The following GPR83 variants were observed in gnomAD, a reference collection of about 807,000 sequenced individuals.
GPR83 encodes the protein G-protein coupled receptor 72.
GPR83 carries 23 observed loss-of-function variants against 28.0 expected under a neutral mutation model. That is an observed-to-expected ratio of 0.82 (90% CI 0.59 to 1.16). The LOEUF (loss-of-function observed/expected upper bound fraction) is 1.16. GPR83 is among the 50% of genes most tolerant of loss of function. The pLI, the probability that GPR83 is intolerant of heterozygous loss-of-function variation, is 0.00. For missense variants in GPR83, 610 were observed against 536.6 expected (o/e 1.14, Z -1.35); for synonymous variants, 234 against 215.4 (o/e 1.09, Z -0.76).
At chr11:94,399,329 A>G (rs1247984927) in intron 1 of GPR83, among the ~76,000 whole-genome samples, 4 of 152,216 alleles carry the variant, frequency 2.6e-5, no homozygotes, top group Non-Finnish European at 5.9e-5. Flanking sequence ...CGTAGGCTGA[A>G]AGGAGATCAG....
intron 3 of GPR83, among the ~76,000 whole-genome samples, chr11:94,388,164 G>C (rs539773451): frequency 6.6e-6 from 1 of 152,244 alleles, no homozygotes; most frequent in African/African-American, 2.4e-5. Context: ...GTATTGATGG[G>C]ACGTATCTCA....
At chr11:94,389,998 T>G (rs11523893) in intron 3 of GPR83, among the ~76,000 whole-genome samples, 80,989 of 151,992 alleles carry the variant, frequency 0.53, 22,075 homozygotes, top group East Asian at 0.64. Context: ...CCATAAAAAA[T>G]AATGAGTTCA....
At chr11:94,390,813 A>G (rs1276446442) in intron 3 of GPR83, among the ~76,000 whole-genome samples, 3 of 152,112 alleles carry the variant, frequency 2.0e-5, no homozygotes, top group African/African-American at 4.8e-5. Flanking sequence ...ACTGCTCAAC[A>G]AAATAACAGA....
At chr11:94,391,405 C>T (rs1489173224) in intron 3 of GPR83, among the ~76,000 whole-genome samples, 3 of 152,142 alleles carry the variant, frequency 2.0e-5, no homozygotes, top group African/African-American at 4.8e-5. Context: ...AGGACGTAGG[C>T]ATGGGCAAAG....
At chr11:94,392,859 A>G (rs74808170) in intron 3 of GPR83, among the ~76,000 whole-genome samples, 12,297 of 151,960 alleles carry the variant, frequency 0.081, 582 homozygotes, top group South Asian at 0.18. Flanking sequence ...TCATTCATTC[A>G]TTCAGTAAAT....
chr11:94,388,611 T>A (rs915333237), intron 3 of GPR83, among the ~76,000 whole-genome samples: 3 of 152,122 alleles, frequency 2.0e-5, no homozygotes, highest in African/African-American at 4.8e-5. Flanking sequence ...GAATCCAACT[T>A]ACAAGGGATG....
At chr11:94,385,435 A>G (rs1281604390) in intron 3 of GPR83, among the ~76,000 whole-genome samples, 2 of 152,232 alleles carry the variant, frequency 1.3e-5, no homozygotes, top group Non-Finnish European at 2.9e-5. Context: ...ACGGCAAAGA[A>G]GTTAAAAACC....
chr11:94,392,797 G>A (rs1191434109), intron 3 of GPR83, among the ~76,000 whole-genome samples: 1 of 151,654 alleles, frequency 6.6e-6, no homozygotes, highest in Non-Finnish European at 1.5e-5. Context: ...TTGTACTCCA[G>A]CCTGGGCAAT....
intron 2 of GPR83, among the ~76,000 whole-genome samples, chr11:94,395,023 A>T (rs149527829): frequency 3.9e-5 from 6 of 152,356 alleles, no homozygotes; most frequent in Non-Finnish European, 8.8e-5. Flanking sequence ...AAATATTTAT[A>T]TGCAAACTTT....
At chr11:94,385,704 G>A (rs1842846512) in intron 3 of GPR83, among the ~76,000 whole-genome samples, 1 of 152,230 alleles carries the variant, frequency 6.6e-6, no homozygotes, top group Admixed American at 6.5e-5. Context: ...TATGCGAAAA[G>A]ACCAAATCTA....
intron 2 of GPR83, among the ~76,000 whole-genome samples, chr11:94,394,088 G>A (rs1424766486): frequency 6.6e-6 from 1 of 152,144 alleles, no homozygotes; most frequent in Admixed American, 6.5e-5. Context: ...GAGAGGACTG[G>A]GGAGGGGTCC....
chr11:94,393,699 T>C, intron 2 of GPR83, 81 bp from the exon 3 acceptor site: 1 of 1,316,354 alleles, frequency 7.6e-7, no homozygotes, highest in Non-Finnish European at 1.1e-6. Flanking sequence ...AGGTGCTCAC[T>C]CCTGTAATCC....
At chr11:94,395,623 C>A (rs1944858647) in intron 2 of GPR83, among the ~76,000 whole-genome samples, 1 of 152,202 alleles carries the variant, frequency 6.6e-6, no homozygotes, top group Non-Finnish European at 1.5e-5. Flanking sequence ...GGAAAAGGCA[C>A]CTGGCATGAA....
At position 94,393,498 on chromosome 11, in the gene GPR83, T is replaced by C; in HGVS notation, c.634A>G (p.Thr212Ala). The part of the protein sequence containing the change: ...LPHAICQKLF[T>A]FKYSEDIVRS... The stretch of plus-strand genomic sequence containing the variant: ...AATTCATCTCACCTGTATTTGAAGG[T>C]AAATAATTTCTGGCAGATAGCATGT... The change falls in exon 3 of 4, where the codon ACC becomes GCC. Residue 212 changes from threonine (T) to alanine (A), a missense_variant. By Grantham distance (58) the Thr-to-Ala change is moderately conservative. Coordinates refer to ENST00000243673, the MANE Select transcript of GPR83 (RefSeq NM_016540.4). 6.2e-7 allele frequency: 1 copy of C among 1,614,016 alleles called. No homozygotes were observed. Among genetic ancestry groups the C allele is most frequent in the African/African-American group, 1.3e-5 (1 of 75,024 alleles).
At chr11:94,390,913 G>C (rs1199809883) in intron 3 of GPR83, among the ~76,000 whole-genome samples, 1 of 152,128 alleles carries the variant, frequency 6.6e-6, no homozygotes, top group Non-Finnish European at 1.5e-5. Context: ...GTAATTTATA[G>C]GTTCAATGCT....
chr11:94,383,345 G>C (rs1944713859), intron 3 of GPR83, among the ~76,000 whole-genome samples: 1 of 152,066 alleles, frequency 6.6e-6, no homozygotes, highest in Non-Finnish European at 1.5e-5. Flanking sequence ...AGTGTGTAGA[G>C]GGAAATTTAT....
chr11:94,385,694 T>C (rs974544501), intron 3 of GPR83, among the ~76,000 whole-genome samples: 2 of 152,206 alleles, frequency 1.3e-5, no homozygotes, highest in African/African-American at 4.8e-5. Context: ...AATATGGGAC[T>C]ATGCGAAAAG....
chr11:94,400,752 G>C, intron 1 of GPR83, 109 bp downstream of exon 1: 1 of 903,486 alleles, frequency 1.1e-6, no homozygotes, highest in Non-Finnish European at 1.7e-6. Context: ...TGTGGAGAGA[G>C]AAGTGGGGAC....
At position 94,396,432 on chromosome 11, in the gene GPR83, C is replaced by T. The variant is rs150540873; in HGVS notation, c.480G>A (p.Leu160=). 245 of 1,613,984 alleles carry T rather than the reference C, an allele frequency of 1.5e-4. No individual in the cohort carries two copies. Among genetic ancestry groups the T allele is most frequent in the Non-Finnish European group, 2.0e-4 (237 of 1,179,904 alleles). The part of the protein sequence containing the change: ...AQYCSLHVSA[L]TLTAIAVDRH... ...GATCCACCGCAATGGCTGTCAGTGT[C>T]AGTGCTGAGACGTGCAGTGAGCAGT... Residue 160 remains leucine (L), a synonymous_variant, in exon 2 of 4, where the codon CTG becomes CTA. Coordinates refer to ENST00000243673, the MANE Select transcript of GPR83 (RefSeq NM_016540.4).
Sources: gnomAD v4.1 joint callset for allele counts (sites outside exome capture counted in the v4.1 genomes callset) on GRCh38, gnomAD v4.1.1 for gene constraint, MANE v1.5 for transcripts, NCBI Gene and HGNC (gene_info 2026-07-23, HGNC 2026-07-21) for gene names.